HS3ST4: variants seen among roughly 807,000 people sequenced by gnomAD.
HS3ST4 encodes heparan sulfate-glucosamine 3-sulfotransferase 4.
In HS3ST4, 17 loss-of-function variants were observed where a neutral mutation model predicts 29.2. That is an observed-to-expected ratio of 0.58 (90% confidence interval 0.40 to 0.87). The LOEUF is 0.87. Ranked by LOEUF, HS3ST4 falls within the 40% of genes least tolerant of loss-of-function variation. HS3ST4 has a pLI of 0.00. For missense variants in HS3ST4, 627 were observed against 634.5 expected, an observed-to-expected ratio of 0.99 and a Z score of 0.13; for synonymous variants, 314 against 285.7, an observed-to-expected ratio of 1.10 and a Z score of -1.00.
intron 1 of HS3ST4, among the ~76,000 whole-genome samples, chr16:25,812,061 T>G (rs1967047693): frequency 6.6e-6 from 1 of 152,196 alleles, no homozygotes; most frequent in Non-Finnish European, 1.5e-5. Context: ...TTATGCGGTC[T>G]ACTGTTGATG....
rs572184425 is a variant in HS3ST4, at chr16:25,914,508, CA to C, written c.735-221103del. Among the ~76,000 whole-genome samples the C allele has an allele frequency of 1.1e-3, 160 of 147,598 alleles. 5 individuals are homozygous for C. The highest frequency in any genetic ancestry group is 1.1e-3 in the South Asian group (5 of 4,584). On this transcript the variant is annotated intron_variant, in intron 1 of 1. Transcript: ENST00000331351. ...AGCAATGTACATGTGTGGGGGGAGG[CA>C]GGGGAGGTGCGGTGTGCATGTATAT...
At chr16:26,131,859 A>T (rs562188234) in intron 1 of HS3ST4, among the ~76,000 whole-genome samples, 8 of 152,324 alleles carry the variant, frequency 5.3e-5, no homozygotes, top group African/African-American at 1.9e-4. Context: ...TCACCCATCT[A>T]TTCACTCAAC....
intron 1 of HS3ST4, among the ~76,000 whole-genome samples, chr16:25,737,897 T>G (rs1253413314): frequency 7.4e-6 from 1 of 134,898 alleles, no homozygotes; most frequent in Non-Finnish European, 1.5e-5. Context: ...TGTAGATACC[T>G]GTAGCTTCTT....
At chr16:26,016,812 C>T (rs762431246) in intron 1 of HS3ST4, among the ~76,000 whole-genome samples, 20 of 152,178 alleles carry the variant, frequency 1.3e-4, no homozygotes, top group Non-Finnish European at 2.6e-4. Flanking sequence ...ATGTCTAGTG[C>T]TCACTCATAT....
chr16:25,989,314 G>A (rs1221634360), intron 1 of HS3ST4, among the ~76,000 whole-genome samples: 2 of 152,172 alleles, frequency 1.3e-5, no homozygotes. Context: ...GTAAAGTGAG[G>A]CACAATACAA....
intron 1 of HS3ST4, among the ~76,000 whole-genome samples, chr16:25,758,414 C>T (rs894193319): frequency 5.9e-5 from 9 of 152,272 alleles, no homozygotes; most frequent in African/African-American, 2.2e-4. Flanking sequence ...GACTGTTGAG[C>T]GTACCCCAGC....
rs920058722 is a variant in HS3ST4 at position 26,136,664 on chromosome 16, T to C, written c.*416T>C. The C allele has an allele frequency of 7.9e-5, 15 of 190,778 alleles. No homozygotes were observed. In the South Asian group the frequency reaches 1.6e-3, roughly 21 times the overall value. 11.8% of individuals were successfully genotyped at this position (190,778 alleles called of 1,614,324 possible). ...CAGGGTTCTAGCCCTGTATCTGTCATGGGCACCTGCTGTCTAAACCTCTGC... is the reference window on the plus strand; with the variant it reads ...CAGGGTTCTAGCCCTGTATCTGTCACGGGCACCTGCTGTCTAAACCTCTGC... On this transcript the variant is annotated 3_prime_UTR_variant, in exon 2 of 2. Transcript: ENST00000331351.
chr16:26,072,147 G>A (rs1374821412), intron 1 of HS3ST4, among the ~76,000 whole-genome samples: 2 of 152,162 alleles, frequency 1.3e-5, no homozygotes, highest in Non-Finnish European at 2.9e-5. Context: ...TCCATAAGGG[G>A]CCACTTACTT....
At chr16:25,946,282 T>C (rs1362226237) in intron 1 of HS3ST4, among the ~76,000 whole-genome samples, 1 of 152,234 alleles carries the variant, frequency 6.6e-6, no homozygotes, top group Non-Finnish European at 1.5e-5. Flanking sequence ...ATTGGCCATA[T>C]TGCAGTGTGT....
intron 1 of HS3ST4, among the ~76,000 whole-genome samples, chr16:26,090,872 C>A (rs1898848972): frequency 6.6e-6 from 1 of 152,106 alleles, no homozygotes; most frequent in South Asian, 2.1e-4. Context: ...TGCAAGAAGC[C>A]CATAGTGGGA....
chr16:25,718,565 C>T (rs1178311798), intron 1 of HS3ST4, among the ~76,000 whole-genome samples: 3 of 152,096 alleles, frequency 2.0e-5, no homozygotes, highest in African/African-American at 4.8e-5. Flanking sequence ...TAAATCCAGG[C>T]ATGCTCAAGA....
At chr16:26,107,279 T>A (rs1899069626) in intron 1 of HS3ST4, among the ~76,000 whole-genome samples, 1 of 151,702 alleles carries the variant, frequency 6.6e-6, no homozygotes, top group African/African-American at 2.4e-5. Context: ...ATATGTAGTT[T>A]TATGTATGTT....
chr16:25,912,526 C>T (rs1279237448), intron 1 of HS3ST4, among the ~76,000 whole-genome samples: 1 of 152,118 alleles, frequency 6.6e-6, no homozygotes, highest in Non-Finnish European at 1.5e-5. Context: ...GGATCTCAAG[C>T]CTTTCTGAGG....
At position 26,136,198 on chromosome 16, in the gene HS3ST4, C is replaced by G; in HGVS notation, c.1321C>G (p.Gln441Glu). 1 of 1,613,286 alleles carries G rather than the reference C, an allele frequency of 6.2e-7. No homozygotes were observed. Among genetic ancestry groups the G allele is most frequent in the Non-Finnish European group, 8.5e-7 (1 of 1,179,680 alleles). ...CAAACCCTTCAACTTGATGTTTTACCAAATGACTGGTCAAGATTTTCAGTG... is the reference window on the plus strand; with the variant it reads ...CAAACCCTTCAACTTGATGTTTTACGAAATGACTGGTCAAGATTTTCAGTG... ...FYKPFNLMFYQMTGQDFQWEQ... is the reference protein window; with the variant it reads ...FYKPFNLMFYEMTGQDFQWEQ... The change falls in exon 2 of 2, where the codon CAA (glutamine) becomes GAA (glutamate). Residue 441 changes from glutamine to glutamate, a missense_variant. Gln to Glu is a conservative substitution (Grantham distance 29). Around this residue, in one of 2 missense-constraint regions of HS3ST4, gnomAD observed 225 missense variants for 293.7 expected, o/e 0.77. Coordinates refer to ENST00000331351, the MANE Select transcript of HS3ST4 (RefSeq NM_006040.3).
At chr16:26,058,897 A>T (rs1898443042) in intron 1 of HS3ST4, among the ~76,000 whole-genome samples, 1 of 152,104 alleles carries the variant, frequency 6.6e-6, no homozygotes, top group South Asian at 2.1e-4. Context: ...AAATAAGTGA[A>T]TGTCAAGGAA....
intron 1 of HS3ST4, among the ~76,000 whole-genome samples, chr16:25,960,000 G>A (rs918510985): frequency 1.3e-5 from 2 of 152,170 alleles, no homozygotes; most frequent in South Asian, 2.1e-4. Context: ...GTGGAGCATG[G>A]TGTTGGGTGC....
intron 1 of HS3ST4, among the ~76,000 whole-genome samples, chr16:25,829,806 A>G (rs115177807): frequency 0.021 from 3,186 of 152,140 alleles, 105 homozygotes; most frequent in African/African-American, 0.072. Flanking sequence ...CTATTTTAAA[A>G]AATTATTTAT....
chr16:25,862,106 C>T (rs1337560474), intron 1 of HS3ST4, among the ~76,000 whole-genome samples: 1 of 152,118 alleles, frequency 6.6e-6, no homozygotes, highest in African/African-American at 2.4e-5. Flanking sequence ...AAGGAGCACA[C>T]AACCTAGATC....
intron 1 of HS3ST4, among the ~76,000 whole-genome samples, chr16:25,754,589 G>A (rs138893543): frequency 6.6e-6 from 1 of 152,226 alleles, no homozygotes; most frequent in East Asian, 1.9e-4. Context: ...CATTGCTGGG[G>A]AAGTCTCAGG....
Sources: gnomAD v4.1 joint callset for allele counts (sites outside exome capture counted in the v4.1 genomes callset) on GRCh38, gnomAD v4.1.1 for gene constraint, gnomAD v4.1.1 regional missense constraint, MANE v1.5 for transcripts, NCBI Gene and HGNC (gene_info 2026-07-23, HGNC 2026-07-21) for gene names.